KLHL42: variants seen among roughly 807,000 people sequenced by gnomAD.
KLHL42 encodes the protein kelch-like protein 42.
A neutral mutation model predicts 32.7 loss-of-function variants in KLHL42; 27 were observed. The observed-to-expected ratio is 0.83, with a 90% CI of 0.61 to 1.14. The LOEUF (loss-of-function observed/expected upper bound fraction) is 1.14, where lower values mean the gene tolerates loss of function less well. KLHL42 is among the 50% of genes most tolerant of loss of function. KLHL42 has a pLI of 0.00. For synonymous variants in KLHL42, 267 were observed against 248.2 expected (o/e 1.08, Z -0.71); for missense variants, 491 against 560.8 (o/e 0.88, Z 1.26).
Position 27,801,409 on chromosome 12 carries a change from G to A in KLHL42, c.*3243G>A, listed in dbSNP as rs2062246879. On this transcript the variant is annotated 3_prime_UTR_variant, in exon 3 of 3. Coordinates refer to ENST00000381271, the MANE Select transcript of KLHL42 (RefSeq NM_020782.2). ...TCCAGGTGAAGTTCTGACCCTACCT[G>A]TTTGGCCAAAGACGTAAATTGAGAG... 6.6e-6 allele frequency: 1 copy of A among 152,186 alleles called. No individual in the cohort carries two copies. Among genetic ancestry groups the A allele is most frequent in the Non-Finnish European group, 1.5e-5 (1 of 68,042 alleles). 9.4% of individuals were successfully genotyped at this position (152,186 alleles called of 1,614,324 possible).
intron 1 of KLHL42, among the ~76,000 whole-genome samples, chr12:27,784,836 T>G (rs763081219): frequency 1.3e-5 from 2 of 152,348 alleles, no homozygotes; most frequent in South Asian, 2.1e-4. Flanking sequence ...GAAGAGAGAT[T>G]ATTCTTTTTA....
rs549536348 is a variant in KLHL42, at chr12:27,791,873, T to G, written c.1038T>G (p.Ile346Met). The change falls in exon 2 of 3, where the codon ATT becomes ATG. Residue 346 changes from isoleucine (I) to methionine (M), a missense_variant. This residue lies in a region of KLHL42 where 152 missense variants were observed against 125.9 expected (regional missense o/e 1.21). Transcript: ENST00000381271. Reference protein sequence around the residue: ...EFSACECKGKIYVIGGYTTRD... With the variant: ...EFSACECKGKMYVIGGYTTRD... ...CTGCCTGTGAGTGTAAGGGAAAAATTTATGTCATTGGAGGATACACTACCA... is the reference window on the plus strand; with the variant it reads ...CTGCCTGTGAGTGTAAGGGAAAAATGTATGTCATTGGAGGATACACTACCA... 1.7e-5 allele frequency: 27 copies of G among 1,614,072 alleles called. No homozygotes were observed. In the East Asian group the frequency reaches 5.8e-4, roughly 35 times the overall value.
chr12:27,788,834 A>G (rs760962862), intron 1 of KLHL42, among the ~76,000 whole-genome samples: 1 of 152,254 alleles, frequency 6.6e-6, no homozygotes, highest in Non-Finnish European at 1.5e-5. Flanking sequence ...GTATATAGCT[A>G]TGATAGATGA....
At chr12:27,782,747 A>C (rs1321774241) in intron 1 of KLHL42, among the ~76,000 whole-genome samples, 4 of 150,188 alleles carry the variant, frequency 2.7e-5, no homozygotes, top group Non-Finnish European at 6.0e-5. Flanking sequence ...TTTTCTAGGA[A>C]GGCCCTTTTC....
Position 27,799,427 on chromosome 12 carries a change from A to C in KLHL42, c.*1261A>C, listed in dbSNP as rs1227385822. ...TTTATTTTGATTGAAAACACTCTGA[A>C]ATTATCTGATATTTTGTAATGGCAT... On this transcript the variant is annotated 3_prime_UTR_variant, in exon 3 of 3. Transcript: ENST00000381271. The C allele has an allele frequency of 1.3e-5, 2 of 152,190 alleles. No homozygotes were observed. Among genetic ancestry groups the C allele is most frequent in the Non-Finnish European group, 2.9e-5 (2 of 68,040 alleles). 9.4% of individuals were successfully genotyped at this position (152,190 alleles called of 1,614,324 possible).
Position 27,797,740 on chromosome 12 carries a change from C to T in KLHL42, c.1092C>T (p.Tyr364=), listed in dbSNP as rs745606543. The change falls in exon 3 of 3, where the codon TAC becomes TAT. Residue 364 remains tyrosine (Y), a synonymous_variant. Coordinates refer to ENST00000381271, the MANE Select transcript of KLHL42 (RefSeq NM_020782.2). ...ACCGGAACATGAACATTTTGCAGTA[C>T]TGCCCCTCTTCCGACATGTGGACGC... ...TRDRNMNILQ[Y]CPSSDMWTLF... 2 of 711,158 alleles carry T rather than the reference C, an allele frequency of 2.8e-6. No homozygotes were observed. The highest frequency in any genetic ancestry group is 5.2e-6 in the Non-Finnish European group (2 of 384,578). 44.1% of individuals were successfully genotyped at this position (711,158 alleles called of 1,614,324 possible). A position where few individuals can be genotyped will look rare whatever the true frequency, so the allele number is the denominator to read the frequency against.
In KLHL42 at chr12:27,802,842, AG is replaced by A. The variant is rs1344109263; in HGVS notation, c.*4677del. On this transcript the variant is annotated 3_prime_UTR_variant, in exon 3 of 3. Coordinates refer to ENST00000381271, the MANE Select transcript of KLHL42 (RefSeq NM_020782.2). ...GAAAGTGATAATCTGTAGAATGAAT[AG>A]TTATGTTTTGATATGACTGATACTT... The A allele has an allele frequency of 6.6e-6, 1 of 152,512 alleles. No homozygotes were observed. The highest frequency in any genetic ancestry group is 1.5e-5 in the Non-Finnish European group (1 of 68,046). 9.4% of individuals were successfully genotyped at this position (152,512 alleles called of 1,614,324 possible).
In KLHL42 at chr12:27,795,750, C is replaced by T. The variant is rs1297651539; in HGVS notation, c.1067-1965C>T. On this transcript the variant is annotated intron_variant, in intron 2 of 2. Transcript: ENST00000381271. ...TTTGATTATTTTAATTCTTTAGCAG[C>T]ACTGAAGAAATTCAGAGAAGTTCAA... Among the ~76,000 whole-genome samples the T allele has an allele frequency of 7.9e-5, 12 of 152,146 alleles. No individual in the cohort carries two copies. The East Asian group carries it at 1.9e-3, about 24-fold the overall frequency.
chr12:27,784,796 C>T (rs1381607451), intron 1 of KLHL42, among the ~76,000 whole-genome samples: 1 of 152,158 alleles, frequency 6.6e-6, no homozygotes, highest in Non-Finnish European at 1.5e-5. Flanking sequence ...ACCTAATGGG[C>T]AAAAACACTA....
chr12:27,794,116 G>A (rs1300092374), intron 2 of KLHL42, among the ~76,000 whole-genome samples: 1 of 152,202 alleles, frequency 6.6e-6, no homozygotes, highest in Non-Finnish European at 1.5e-5. Context: ...ATGGTGGGAG[G>A]TGTGTTAGTT....
chr12:27,794,636 A>T (rs887079545), intron 2 of KLHL42, among the ~76,000 whole-genome samples: 1 of 152,126 alleles, frequency 6.6e-6, no homozygotes, highest in East Asian at 1.9e-4. Context: ...GATTACAGGC[A>T]TGAGCCACTG....
chr12:27,802,321 GGC>G lies in KLHL42; in HGVS notation c.*4156_*4157del, dbSNP rs2062251426. On this transcript the variant is annotated 3_prime_UTR_variant, in exon 3 of 3. Coordinates refer to ENST00000381271, the MANE Select transcript of KLHL42 (RefSeq NM_020782.2). ...GCTGGGGAAGTTAGTATCTAAGAGG[GGC>G]AAGCTGATTGCATGTGCATTTATAC... 1 of 152,026 alleles carries G rather than the reference GGC, an allele frequency of 6.6e-6. No homozygotes were observed. Among genetic ancestry groups the G allele is most frequent in the Non-Finnish European group, 1.5e-5 (1 of 68,010 alleles). 9.4% of individuals were successfully genotyped at this position (152,026 alleles called of 1,614,324 possible).
chr12:27,783,392 A>G (rs1283643310), intron 1 of KLHL42, among the ~76,000 whole-genome samples: 2 of 152,156 alleles, frequency 1.3e-5, no homozygotes, highest in African/African-American at 4.8e-5. Context: ...AAGTATATTG[A>G]TAGTGGTTAA....
chr12:27,780,609 C>T lies in KLHL42; in HGVS notation c.279C>T (p.Asp93=), dbSNP rs747197028. ...RGEKGGGVDE[D]EEMDEVSLLS... ...AAAAGGGCGGCGGGGTGGACGAGGA[C>T]GAGGAGATGGATGAGGTGAGCCTGC... is the stretch of plus-strand genomic sequence containing the variant. The change falls in exon 1 of 3, where the codon GAC becomes GAT. Residue 93 remains aspartate, a synonymous_variant. Transcript: ENST00000381271. The surrounding 1 kb of genome is among the most constrained non-coding windows in gnomAD (Gnocchi z 8.8). The T allele has an allele frequency of 1.3e-6, 2 of 1,552,502 alleles. No individual in the cohort carries two copies. Among genetic ancestry groups the T allele is most frequent in the African/African-American group, 2.7e-5 (2 of 73,450 alleles).
At chr12:27,794,267 A>C (rs896783586) in intron 2 of KLHL42, among the ~76,000 whole-genome samples, 1 of 152,088 alleles carries the variant, frequency 6.6e-6, no homozygotes, top group Non-Finnish European at 1.5e-5. Flanking sequence ...CTAGGGGAGG[A>C]GTCCTCCTTG....
In KLHL42 at chr12:27,800,372, G is replaced by A. The variant is rs200682584; in HGVS notation, c.*2206G>A. The A allele has an allele frequency of 2.2e-5, 22 of 984,660 alleles. No homozygotes were observed. The African/African-American group carries it at 3.5e-4, about 16-fold the overall frequency. The allele number at this position is 984,660 out of a possible 1,614,324, so 61.0% of individuals were successfully genotyped here. On this transcript the variant is annotated 3_prime_UTR_variant, in exon 3 of 3. Coordinates refer to ENST00000381271, the MANE Select transcript of KLHL42 (RefSeq NM_020782.2). ...TGGGGGTGTGTGTGTGTGTGTGTGT[G>A]TATGTTTGCATATTATAGCTCTCTT...
In KLHL42 at chr12:27,801,688, T is replaced by G. The variant is rs1360677803; in HGVS notation, c.*3522T>G. The G allele has an allele frequency of 6.6e-6, 1 of 152,202 alleles. No homozygotes were observed. The highest frequency in any genetic ancestry group is 6.5e-5 in the Admixed American group (1 of 15,286). 9.4% of individuals were successfully genotyped at this position (152,202 alleles called of 1,614,324 possible). A position where few individuals can be genotyped will look rare whatever the true frequency, so the allele number is the denominator to read the frequency against. Reference sequence around the variant, plus strand: ...CATGTCAGATTGGTGCTTCCAGACATCTATTCCCAGTCCATCAGAGTGAAA... The same window carrying G: ...CATGTCAGATTGGTGCTTCCAGACAGCTATTCCCAGTCCATCAGAGTGAAA... On this transcript the variant is annotated 3_prime_UTR_variant, in exon 3 of 3. Coordinates refer to ENST00000381271, the MANE Select transcript of KLHL42 (RefSeq NM_020782.2).
chr12:27,781,196 A>G lies in KLHL42; in HGVS notation c.866A>G (p.Gln289Arg), dbSNP rs2062146747. The change falls in exon 1 of 3, where the codon CAG (glutamine) becomes CGG (arginine). Residue 289 changes from glutamine (Q) to arginine (R), a missense_variant. Physicochemically the swap from Gln to Arg is conservative, Grantham distance 43 (BLOSUM62 1). This residue lies in a region of KLHL42 where 248 missense variants were observed against 329.2 expected (regional missense o/e 0.75). Coordinates refer to ENST00000381271, the MANE Select transcript of KLHL42 (RefSeq NM_020782.2). ...NEWLQVASMN[Q>R]KRSNFKLVAV... ...TGGCTCCAGGTGGCCTCCATGAACC[A>G]GAAGAGGTAAGCACCCCGGCAGAGT... is the stretch of plus-strand genomic sequence containing the variant. 3 of 1,613,504 alleles carry G rather than the reference A, an allele frequency of 1.9e-6. No individual in the cohort carries two copies. The highest frequency in any genetic ancestry group is 1.7e-5 in the Admixed American group (1 of 60,004).
intron 1 of KLHL42, among the ~76,000 whole-genome samples, chr12:27,782,763 C>A (rs1349547065): frequency 1.4e-5 from 2 of 144,012 alleles, no homozygotes; most frequent in Non-Finnish European, 1.6e-5. Flanking sequence ...TTTTCATCCC[C>A]TTAAAAAAAA....
Sources: gnomAD v4.1 joint callset for allele counts (sites outside exome capture counted in the v4.1 genomes callset) on GRCh38, gnomAD v4.1.1 for gene constraint, gnomAD v4.1.1 regional missense constraint, Gnocchi (gnomAD v3.1) non-coding constraint, MANE v1.5 for transcripts, NCBI Gene and HGNC (gene_info 2026-07-23, HGNC 2026-07-21) for gene names.